Variants in CSMD1 observed in about 807,000 individuals in gnomAD.
CSMD1 encodes CUB and Sushi multiple domains 1.
A neutral mutation model predicts 417.5 loss-of-function variants in CSMD1; 213 were observed. The ratio of observed to expected loss-of-function variants is 0.51; its 90% CI spans 0.46 to 0.57. CSMD1 has a LOEUF of 0.57. CSMD1 is among the 20% of genes least tolerant of loss of function. The pLI is 0.00. For missense variants in CSMD1, 6,923 were observed against 4,529.7 expected, an observed-to-expected ratio of 1.53 and a Z score of -15.17; for synonymous variants, 2,862 against 1,736.8, an observed-to-expected ratio of 1.65 and a Z score of -16.11.
rs1798608099 is a variant in CSMD1, at chr8:3,772,176, A to ATATATG, written c.819-18135_819-18134insCATATA. 7.6e-5 allele frequency among the ~76,000 whole-genome samples: 5 copies of ATATATG among 65,496 alleles called. 1 individual carries two copies. 43.0% of individuals were successfully genotyped at this position (65,496 alleles called of 152,430 possible). A position where few individuals can be genotyped will look rare whatever the true frequency, so the allele number is the denominator to read the frequency against. On this transcript the variant is annotated intron_variant, in intron 5 of 69. Transcript: ENST00000635120. ...TTCTCAGAAAGGGCAACATATATAT[A>ATATATG]TATATATATATATACACACACACAC... is the stretch of plus-strand genomic sequence containing the variant.
chr8:3,040,295 T>G (rs974734237), intron 50 of CSMD1, among the ~76,000 whole-genome samples: 8 of 151,656 alleles, frequency 5.3e-5, no homozygotes, highest in African/African-American at 1.9e-4. Flanking sequence ...TTAAGTAATA[T>G]ATAGCTTGGA....
chr8:3,078,398 CT>C (rs1289284906), intron 49 of CSMD1, among the ~76,000 whole-genome samples: 3 of 152,248 alleles, frequency 2.0e-5, no homozygotes, highest in African/African-American at 7.2e-5. Flanking sequence ...AATAAACATG[CT>C]GGATTTTAGC....
In CSMD1 at chr8:3,029,339, T is replaced by C. The variant is rs747997572; in HGVS notation, c.7835A>G (p.Asp2612Gly). Reference sequence around the variant, plus strand: ...CTTACCTCGACAGCTTGGCCTCTCATCTCCTATGTTCCACGTCCCATTGGC... The same window carrying C: ...CTTACCTCGACAGCTTGGCCTCTCACCTCCTATGTTCCACGTCCCATTGGC... ...CQANGTWNIG[D>G]ERPSCRVISC... The change falls in exon 51 of 70, where the codon GAT becomes GGT. Residue 2612 changes from aspartate (D) to glycine (G), a missense_variant. Physicochemically the swap from Asp to Gly is moderately conservative, Grantham distance 94 (BLOSUM62 -1). Coordinates refer to ENST00000635120, the MANE Select transcript of CSMD1 (RefSeq NM_033225.6). The C allele has an allele frequency of 3.7e-6, 6 of 1,607,758 alleles. No homozygotes were observed. Among genetic ancestry groups the C allele is most frequent in the Non-Finnish European group, 5.1e-6 (6 of 1,178,076 alleles).
intron 1 of CSMD1, among the ~76,000 whole-genome samples, chr8:4,784,530 T>G (rs181404097): frequency 1.1e-3 from 162 of 152,344 alleles, no homozygotes; most frequent in Non-Finnish European, 1.6e-3. Context: ...AGACAGACCC[T>G]TTAGTGTTTT....
At chr8:4,925,202 T>A (rs1157079033) in intron 1 of CSMD1, among the ~76,000 whole-genome samples, 3 of 140,520 alleles carry the variant, frequency 2.1e-5, no homozygotes, top group Non-Finnish European at 3.1e-5. Flanking sequence ...ACATGGTGAA[T>A]ACCAGTTTTA....
chr8:3,331,532 T>C (rs541681111), intron 23 of CSMD1, among the ~76,000 whole-genome samples: 2 of 152,236 alleles, frequency 1.3e-5, no homozygotes, highest in African/African-American at 4.8e-5. Context: ...CCTTAACTTA[T>C]GGAACCCTCG....
At chr8:4,293,832 T>A (rs541406046) in intron 3 of CSMD1, among the ~76,000 whole-genome samples, 1 of 152,214 alleles carries the variant, frequency 6.6e-6, no homozygotes, top group Non-Finnish European at 1.5e-5. Context: ...ATTTTAACAT[T>A]CAGTGTCCAA....
intron 2 of CSMD1, among the ~76,000 whole-genome samples, chr8:4,604,550 T>C (rs975909171): frequency 1.3e-5 from 2 of 152,130 alleles, no homozygotes; most frequent in African/African-American, 2.4e-5. Context: ...TGAACGCTTT[T>C]ATTTTTTTCT....
intron 3 of CSMD1, among the ~76,000 whole-genome samples, chr8:4,135,019 T>C (rs1401110403): frequency 1.3e-5 from 2 of 152,158 alleles, no homozygotes; most frequent in Admixed American, 6.5e-5. Context: ...TTTTATTGAT[T>C]ATTTTGTGAG....
At chr8:3,853,843 C>T (rs1379153631) in intron 5 of CSMD1, among the ~76,000 whole-genome samples, 1 of 146,242 alleles carries the variant, frequency 6.8e-6, no homozygotes, top group Non-Finnish European at 1.5e-5. Flanking sequence ...ACATTGTGCA[C>T]ATGTACCCTA....
intron 10 of CSMD1, among the ~76,000 whole-genome samples, chr8:3,556,840 G>C (rs1183886539): frequency 6.6e-6 from 1 of 151,478 alleles, no homozygotes; most frequent in African/African-American, 2.4e-5. Context: ...ACTGCCATAG[G>C]GCTTACCCCC....
chr8:4,573,569 G>A (rs1031946992), intron 2 of CSMD1, among the ~76,000 whole-genome samples: 2 of 152,124 alleles, frequency 1.3e-5, no homozygotes, highest in South Asian at 2.1e-4. Flanking sequence ...TCCCTGCTGG[G>A]AGGTGTCTCC....
intron 4 of CSMD1, among the ~76,000 whole-genome samples, chr8:4,030,218 T>C (rs547263384): frequency 2.6e-5 from 4 of 152,218 alleles, no homozygotes; most frequent in South Asian, 4.1e-4. Flanking sequence ...GGTGCCCCAG[T>C]AGGGACTCTG....
chr8:3,649,678 C>G (rs898978055), intron 7 of CSMD1, among the ~76,000 whole-genome samples: 1 of 152,182 alleles, frequency 6.6e-6, no homozygotes, highest in Non-Finnish European at 1.5e-5. Context: ...TCCACCTGGT[C>G]TCTGCCTTGA....
At chr8:3,690,972 T>C (rs980629812) in intron 7 of CSMD1, among the ~76,000 whole-genome samples, 3 of 152,256 alleles carry the variant, frequency 2.0e-5, no homozygotes, top group East Asian at 3.9e-4. Context: ...GGTTAATGCA[T>C]GTTTGTGTGT....
chr8:4,426,778 G>C (rs928784923), intron 2 of CSMD1, among the ~76,000 whole-genome samples: 1 of 141,048 alleles, frequency 7.1e-6, no homozygotes. Flanking sequence ...TTACAATACA[G>C]ATGATATTAT....
chr8:3,629,524 A>G (rs1410119602), intron 7 of CSMD1, among the ~76,000 whole-genome samples: 1 of 152,222 alleles, frequency 6.6e-6, no homozygotes, highest in Non-Finnish European at 1.5e-5. Flanking sequence ...GTTACAGCAA[A>G]TATCAGCTCC....
At chr8:3,765,865 T>C (rs1315793839) in intron 5 of CSMD1, among the ~76,000 whole-genome samples, 5 of 152,186 alleles carry the variant, frequency 3.3e-5, no homozygotes, top group African/African-American at 7.2e-5. Flanking sequence ...AAGAGGAGGA[T>C]GACAGCACTT....
At chr8:3,843,954 T>A (rs954040049) in intron 5 of CSMD1, among the ~76,000 whole-genome samples, 2 of 152,170 alleles carry the variant, frequency 1.3e-5, no homozygotes, top group Non-Finnish European at 2.9e-5. Context: ...AGAACAATGA[T>A]GAGGAACTCA....
Sources: allele counts gnomAD v4.1 joint callset (sites outside exome capture counted in the v4.1 genomes callset), GRCh38; gene constraint gnomAD v4.1.1; transcripts MANE v1.5; gene names NCBI Gene and HGNC (gene_info 2026-07-23, HGNC 2026-07-21).